SEMA3D: variants seen among roughly 807,000 people sequenced by gnomAD.
SEMA3D encodes the protein semaphorin-3D.
Under a neutral mutation model 100.1 loss-of-function variants are expected in SEMA3D, and 84 were observed. The observed-to-expected ratio is 0.84, with a 90% CI of 0.70 to 1.01. The LOEUF is 1.01. Among genes scored for constraint, SEMA3D ranks in the 50% least tolerant of loss-of-function variants. The probability of loss-of-function intolerance (pLI) is 0.00; values close to 1 mark genes in which losing one functional copy is unlikely to be tolerated. For synonymous variants in SEMA3D, 312 were observed against 320.7 expected, an observed-to-expected ratio of 0.97 and a Z score of 0.29; for missense variants, 875 against 934.1, an observed-to-expected ratio of 0.94 and a Z score of 0.82.
intron 12 of SEMA3D, chr7:85,029,281 C>T: frequency 1.1e-6 from 1 of 891,894 alleles, no homozygotes; most frequent in Non-Finnish European, 1.9e-6. Flanking sequence ...TGACAAGGGC[C>T]ATTTGAGCAA....
chr7:85,097,715 G>T, intron 4 of SEMA3D, 90 bp downstream of exon 4: 1 of 736,598 alleles, frequency 1.4e-6, no homozygotes, highest in Non-Finnish European at 2.2e-6. Context: ...ATTTGACACT[G>T]TGTCCCTTAA....
intron 2 of SEMA3D, among the ~76,000 whole-genome samples, chr7:85,131,119 C>G (rs1434920832): frequency 6.6e-6 from 1 of 151,794 alleles, no homozygotes; most frequent in East Asian, 1.9e-4. Flanking sequence ...TATTAAAACT[C>G]GATTTAAGAA....
chr7:85,122,328 T>C (rs866351930), intron 2 of SEMA3D, among the ~76,000 whole-genome samples: 1 of 152,148 alleles, frequency 6.6e-6, no homozygotes, highest in Non-Finnish European at 1.5e-5. Flanking sequence ...AAAATAATTT[T>C]CCCATCGCTC....
chr7:85,015,701 G>C (rs1380465740), intron 15 of SEMA3D, among the ~76,000 whole-genome samples: 1 of 151,770 alleles, frequency 6.6e-6, no homozygotes, highest in Non-Finnish European at 1.5e-5. Context: ...AAGAATGTGA[G>C]TTATTAGTGG....
At chr7:85,092,851 G>A (rs1788437383) in intron 4 of SEMA3D, among the ~76,000 whole-genome samples, 2 of 151,968 alleles carry the variant, frequency 1.3e-5, no homozygotes, top group Non-Finnish European at 2.9e-5. Context: ...ATCATGAATC[G>A]AGAAAACTTT....
At chr7:85,105,858 T>C (rs1450196770) in intron 3 of SEMA3D, among the ~76,000 whole-genome samples, 1 of 152,082 alleles carries the variant, frequency 6.6e-6, no homozygotes, top group Non-Finnish European at 1.5e-5. Flanking sequence ...GGGGTCTGTG[T>C]TCTTGCCAAG....
At chr7:85,004,418 T>C (rs558252142) in intron 18 of SEMA3D, among the ~76,000 whole-genome samples, 49 of 152,236 alleles carry the variant, frequency 3.2e-4, no homozygotes, top group African/African-American at 1.1e-3. Flanking sequence ...ATGGCCTTGT[T>C]TACTTATTCA....
chr7:85,104,487 G>A (rs1788849546), intron 3 of SEMA3D, among the ~76,000 whole-genome samples: 1 of 151,978 alleles, frequency 6.6e-6, no homozygotes, highest in South Asian at 2.1e-4. Context: ...AAATAGTTTT[G>A]TTCTAAAAAT....
chr7:85,144,309 A>C (rs1242900722), intron 2 of SEMA3D: 1 of 249,810 alleles, frequency 4.0e-6, no homozygotes, highest in African/African-American at 2.3e-5. Context: ...TGTTTCAAAC[A>C]AATGTAAAAG....
chr7:85,149,643 A>G (rs902534300), intron 2 of SEMA3D, among the ~76,000 whole-genome samples: 2 of 152,140 alleles, frequency 1.3e-5, no homozygotes, highest in African/African-American at 4.8e-5. Flanking sequence ...TCAGAAAACA[A>G]TGACATTAAA....
At chr7:85,048,766 C>T (rs956952886) in intron 9 of SEMA3D, among the ~76,000 whole-genome samples, 16 of 151,796 alleles carry the variant, frequency 1.1e-4, no homozygotes, top group Non-Finnish European at 1.2e-4. Flanking sequence ...TTTAAAAATA[C>T]GGTTGAGAGT....
chr7:85,064,719 C>A (rs949410849), intron 8 of SEMA3D, among the ~76,000 whole-genome samples: 2 of 152,048 alleles, frequency 1.3e-5, no homozygotes, highest in African/African-American at 4.8e-5. Context: ...AAAATTTGAT[C>A]TGTTGTAAGG....
upstream of SEMA3D, among the ~76,000 whole-genome samples, chr7:85,188,309 C>A (rs1791617306): frequency 1.3e-5 from 2 of 152,204 alleles, no homozygotes; most frequent in African/African-American, 2.4e-5. Flanking sequence ...GCTGCCCCAT[C>A]TCTATAACCT....
At chr7:85,228,063 G>A in the SEMA3D span, among the ~76,000 whole-genome samples, 1 of 152,090 alleles carries the variant, frequency 6.6e-6, no homozygotes, top group Non-Finnish European at 1.5e-5. Context: ...ATATGACATT[G>A]GCCAAAAGCA....
intron 1 of SEMA3D, among the ~76,000 whole-genome samples, chr7:85,170,580 A>C (rs1332737343): frequency 6.6e-6 from 1 of 152,000 alleles, no homozygotes; most frequent in Admixed American, 6.6e-5. Flanking sequence ...TCAGGCAGTT[A>C]AAGTCTGACA....
At chr7:85,190,776 T>C (rs1396082929), upstream of SEMA3D, among the ~76,000 whole-genome samples, 2 of 152,128 alleles carry the variant, frequency 1.3e-5, no homozygotes, top group African/African-American at 4.8e-5. Context: ...TTAATTGGTA[T>C]GTAAAACTGT....
chr7:85,013,965 TTGGCCAAAAACCATAAC>T (rs1790028262), intron 16 of SEMA3D, among the ~76,000 whole-genome samples: 1 of 151,802 alleles, frequency 6.6e-6, no homozygotes. Context: ...GAGCAAGTTC[TTGGCCAAAAACCATAAC>T]AAAATGTGGG....
the SEMA3D span, among the ~76,000 whole-genome samples, chr7:85,215,336 T>C: frequency 6.6e-6 from 1 of 152,140 alleles, no homozygotes; most frequent in Non-Finnish European, 1.5e-5. Flanking sequence ...TGTTCTCATA[T>C]TAGAAATAAT....
At chr7:85,221,017 G>T in the SEMA3D span, among the ~76,000 whole-genome samples, 7 of 152,124 alleles carry the variant, frequency 4.6e-5, no homozygotes, top group African/African-American at 1.4e-4. Context: ...AGTGATGAGG[G>T]AGTCCAAAGG....
Sources: allele counts gnomAD v4.1 joint callset (sites outside exome capture counted in the v4.1 genomes callset), GRCh38; gene constraint gnomAD v4.1.1; transcripts MANE v1.5; gene names NCBI Gene and HGNC (gene_info 2026-07-23, HGNC 2026-07-21).